CNOT1: variants seen among roughly 807,000 people sequenced by gnomAD.
CNOT1 encodes the protein CCR4-associated factor 1.
Under a neutral mutation model 273.8 loss-of-function variants are expected in CNOT1, and 15 were observed. The ratio of observed to expected loss-of-function variants is 0.05; its 90% CI spans 0.04 to 0.08. The LOEUF (loss-of-function observed/expected upper bound fraction) is 0.08. Among genes scored for constraint, CNOT1 ranks in the 10% least tolerant of loss-of-function variants. The probability of loss-of-function intolerance (pLI) is 1.00; values close to 1 mark genes in which losing one functional copy is unlikely to be tolerated. For synonymous variants in CNOT1, 1,022 were observed against 1,005.5 expected (o/e 1.02, Z -0.31); for missense variants, 1,644 against 2,912.2 (o/e 0.56, Z 10.02).
At chr16:58,589,632 T>C (rs923085557) in intron 2 of CNOT1, among the ~76,000 whole-genome samples, 2 of 152,208 alleles carry the variant, frequency 1.3e-5, no homozygotes, top group Non-Finnish European at 2.9e-5. Context: ...AAACACCACA[T>C]GGCATTGATC....
Position 58,555,398 on chromosome 16 carries a change from C to G in CNOT1, c.2744G>C (p.Cys915Ser). The G allele has an allele frequency of 6.2e-7, 1 of 1,614,154 alleles. No individual in the cohort carries two copies. ...YPDKELHITA[C>S]LFGGIIEKGL... The stretch of plus-strand genomic sequence containing the variant: ...TTTCTCAATTATACCACCAAATAGG[C>G]AGGCTGTTATATGTAACTCTTTATC... The change falls in exon 21 of 49, where the codon TGC (cysteine) becomes TCC (serine). Residue 915 changes from cysteine to serine, a missense_variant. Coordinates refer to ENST00000317147, the MANE Select transcript of CNOT1 (RefSeq NM_016284.5).
Position 58,586,638 on chromosome 16 carries a change from G to A in CNOT1, c.544C>T (p.His182Tyr), listed in dbSNP as rs772989038. 1.5e-5 allele frequency: 24 copies of A among 1,613,020 alleles called. No homozygotes were observed. The highest frequency in any genetic ancestry group is 1.5e-5 in the Non-Finnish European group (18 of 1,179,876). Reference sequence around the variant, plus strand: ...AAGAGGAGATGGGAGAGGAGGAGGTGTAGGACCTCTATTGCTATATCTTGG... The same window carrying A: ...AAGAGGAGATGGGAGAGGAGGAGGTATAGGACCTCTATTGCTATATCTTGG... ...GFQDIAIEVL[H>Y]LLLSHLLFGQ... is the part of the protein sequence containing the mutation. Residue 182 changes from histidine to tyrosine, a missense_variant, in exon 7 of 49, where the codon CAC becomes TAC. Coordinates refer to ENST00000317147, the MANE Select transcript of CNOT1 (RefSeq NM_016284.5).
chr16:58,525,893 T>C (rs2039566534), intron 45 of CNOT1, 96 bp downstream of exon 45: 1 of 1,027,480 alleles, frequency 9.7e-7, no homozygotes, highest in African/African-American at 1.6e-5. Context: ...GAAATGACAA[T>C]AAAAGACTAA....
At chr16:58,521,718 G>A (rs1337305982) in intron 47 of CNOT1, among the ~76,000 whole-genome samples, 1 of 152,038 alleles carries the variant, frequency 6.6e-6, no homozygotes, top group Non-Finnish European at 1.5e-5. Context: ...TTGGGAGGCC[G>A]AGGCAGGTGG....
chr16:58,624,851 A>T (rs922121429), intron 1 of CNOT1: 2 of 152,168 alleles, frequency 1.3e-5, no homozygotes, highest in Non-Finnish European at 2.9e-5. Flanking sequence ...TATTAAGTCT[A>T]CACCTCTAAT....
chr16:58,578,479 T>C (rs968124575), intron 13 of CNOT1, among the ~76,000 whole-genome samples: 2 of 143,246 alleles, frequency 1.4e-5, no homozygotes, highest in Admixed American at 1.4e-4. Flanking sequence ...GGAAAGAAAA[T>C]AAAATTATTA....
chr16:58,550,338 A>T (rs777333408), intron 24 of CNOT1, among the ~76,000 whole-genome samples: 12 of 152,206 alleles, frequency 7.9e-5, no homozygotes, highest in Non-Finnish European at 1.6e-4. Flanking sequence ...AACTACATAG[A>T]GTAAAATTAA....
intron 1 of CNOT1, among the ~76,000 whole-genome samples, chr16:58,606,613 G>T (rs2042687348): frequency 6.6e-6 from 1 of 152,108 alleles, no homozygotes; most frequent in African/African-American, 2.4e-5. Context: ...GGTCAGCCTG[G>T]CCAACATGGC....
intron 2 of CNOT1, chr16:58,597,597 G>A (rs575564387): frequency 2.7e-6 from 1 of 373,106 alleles, no homozygotes; most frequent in East Asian, 7.3e-5. Context: ...CTTCAGGTTT[G>A]TGTTTGGCAC....
In CNOT1 at chr16:58,585,481, C is replaced by T. The variant is rs760910567; in HGVS notation, c.663G>A (p.Val221=). ...CAGGGTATAAAAGTGGTGCGAGCAC[C>T]ACGGGACAGCGTTCTTGGGGAAAAT... ...RRDFPQERCP[V]VLAPLLYPEK... Residue 221 remains valine (V), a synonymous_variant, in exon 8 of 49, where the codon GTG becomes GTA. Coordinates refer to ENST00000317147, the MANE Select transcript of CNOT1 (RefSeq NM_016284.5). 6.2e-7 allele frequency: 1 copy of T among 1,612,696 alleles called. No individual in the cohort carries two copies.
chr16:58,580,785 A>G (rs1485459049), intron 11 of CNOT1, 25 bp from the exon 12 acceptor site: 2 of 1,591,928 alleles, frequency 1.3e-6, no homozygotes, highest in Non-Finnish European at 1.7e-6. Flanking sequence ...AATGCTTACC[A>G]CCATAAATGA....
chr16:58,597,280 C>T (rs1303079729), intron 2 of CNOT1, among the ~76,000 whole-genome samples: 4 of 151,872 alleles, frequency 2.6e-5, no homozygotes, highest in Non-Finnish European at 5.9e-5. Context: ...TCGAGACCAG[C>T]GTGGCCAACA....
chr16:58,618,537 C>T (rs993539389), intron 1 of CNOT1, among the ~76,000 whole-genome samples: 1 of 151,752 alleles, frequency 6.6e-6, no homozygotes, highest in African/African-American at 2.4e-5. Flanking sequence ...GAGCTAAGAT[C>T]GCACCATTGC....
At chr16:58,552,396 T>C (rs2151932055) in intron 22 of CNOT1, among the ~76,000 whole-genome samples, 1 of 152,286 alleles carries the variant, frequency 6.6e-6, no homozygotes, top group Middle Eastern at 3.4e-3. Flanking sequence ...GGAAAGAGTC[T>C]CAGAAGAAAG....
chr16:58,575,226 T>C, intron 14 of CNOT1, 97 bp from the exon 15 acceptor site: 1 of 1,502,514 alleles, frequency 6.7e-7, no homozygotes, highest in South Asian at 1.3e-5. Flanking sequence ...CAAGTTCAAA[T>C]AAAACACACT....
chr16:58,562,179 C>T (rs1373924956), intron 16 of CNOT1, among the ~76,000 whole-genome samples: 3 of 127,840 alleles, frequency 2.3e-5, no homozygotes, highest in South Asian at 2.7e-4. Flanking sequence ...TGTGAGACTC[C>T]GTATCAAAAA....
intron 40 of CNOT1, among the ~76,000 whole-genome samples, chr16:58,533,488 T>C (rs2039832952): frequency 6.6e-6 from 1 of 152,084 alleles, no homozygotes; most frequent in African/African-American, 2.4e-5. Context: ...TATAAAAAAT[T>C]AGCCGGGCGC....
chr16:58,601,403 C>T lies in CNOT1; in HGVS notation c.-174-1892G>A, dbSNP rs970525531. On this transcript the variant is annotated intron_variant, in intron 1 of 48. Transcript: ENST00000317147. ...TGAGCCACTGCGTCCAGCCACAACA[C>T]CCATTTTTTAAGAAATTCACCAAGA... 2.6e-5 allele frequency among the ~76,000 whole-genome samples: 4 copies of T among 152,188 alleles called. No homozygotes were observed. The East Asian group carries it at 7.7e-4, about 29-fold the overall frequency.
chr16:58,538,552 C>A (rs2039988068), intron 36 of CNOT1, among the ~76,000 whole-genome samples: 1 of 152,130 alleles, frequency 6.6e-6, no homozygotes, highest in African/African-American at 2.4e-5. Context: ...ACAATTTATT[C>A]CCCAAAACAA....
Sources: allele counts gnomAD v4.1 joint callset (sites outside exome capture counted in the v4.1 genomes callset), GRCh38; gene constraint gnomAD v4.1.1; transcripts MANE v1.5; gene names NCBI Gene and HGNC (gene_info 2026-07-23, HGNC 2026-07-21).